The following ZSWIM5 variants were observed in gnomAD, a reference collection of about 807,000 sequenced individuals.
ZSWIM5 encodes the protein zinc finger SWIM domain-containing protein 5.
In ZSWIM5, 55 loss-of-function variants were observed where a neutral mutation model predicts 119.6. The ratio of observed to expected loss-of-function variants is 0.46; its 90% CI spans 0.37 to 0.58. ZSWIM5 has a LOEUF of 0.58. ZSWIM5 is among the 20% of genes least tolerant of loss of function. ZSWIM5 has a pLI of 0.00. For synonymous variants in ZSWIM5, 537 were observed against 606.9 expected (o/e 0.88, Z 1.69); for missense variants, 1,193 against 1,512.8 (o/e 0.79, Z 3.51).
rs762886625 is a variant in ZSWIM5 at position 45,205,753 on chromosome 1, T to C, written c.595+3A>G. The C allele has an allele frequency of 1.3e-6, 2 of 1,561,320 alleles. No individual in the cohort carries two copies. Among genetic ancestry groups the C allele is most frequent in the Non-Finnish European group, 1.7e-6 (2 of 1,158,182 alleles). ...ACCCGAGAACGCCTGGACGAGCACA[T>C]ACCGACTTGCAGCACGTTCTCCACG... is the stretch of plus-strand genomic sequence containing the variant. On this transcript the variant is annotated splice_donor_region_variant and intron_variant, in intron 1 of 13. Coordinates refer to ENST00000359600, the MANE Select transcript of ZSWIM5 (RefSeq NM_020883.2).
chr1:45,086,998 C>T (rs1473784577), intron 2 of ZSWIM5, among the ~76,000 whole-genome samples: 1 of 151,768 alleles, frequency 6.6e-6, no homozygotes, highest in Non-Finnish European at 1.5e-5. Context: ...ATTCTCCCGC[C>T]TCAGCCTCCA....
intron 2 of ZSWIM5, among the ~76,000 whole-genome samples, chr1:45,062,484 G>T (rs919126141): frequency 8.6e-5 from 13 of 152,036 alleles, no homozygotes; most frequent in African/African-American, 2.9e-4. Flanking sequence ...TTCTTCAAAT[G>T]TCTTATTCTA....
At chr1:45,042,260 C>T (rs1268262325) in intron 6 of ZSWIM5, among the ~76,000 whole-genome samples, 2 of 152,142 alleles carry the variant, frequency 1.3e-5, no homozygotes, top group Admixed American at 1.3e-4. Context: ...TACCTAGCTC[C>T]ATGTAACCTC....
intron 2 of ZSWIM5, among the ~76,000 whole-genome samples, chr1:45,079,379 A>G (rs1570068897): frequency 6.6e-6 from 1 of 152,256 alleles, no homozygotes; most frequent in East Asian, 1.9e-4. Context: ...GCCCCTTTCC[A>G]AAGGCAGAGG....
At chr1:45,079,695 C>G (rs1457100832) in intron 2 of ZSWIM5, among the ~76,000 whole-genome samples, 1 of 152,160 alleles carries the variant, frequency 6.6e-6, no homozygotes, top group African/African-American at 2.4e-5. Flanking sequence ...AGGCATCTTG[C>G]CCCATAGCCA....
chr1:45,191,755 G>C (rs557470693), intron 1 of ZSWIM5, among the ~76,000 whole-genome samples: 2 of 152,324 alleles, frequency 1.3e-5, no homozygotes, highest in East Asian at 3.9e-4. Flanking sequence ...ACGGCACTTA[G>C]GAATTTAGAG....
intron 1 of ZSWIM5, among the ~76,000 whole-genome samples, chr1:45,203,161 T>C (rs1412035106): frequency 6.6e-6 from 1 of 152,048 alleles, no homozygotes; most frequent in Non-Finnish European, 1.5e-5. Context: ...AATGTATCCT[T>C]TGAGCATAGC....
chr1:45,058,891 C>T (rs1035096315), intron 3 of ZSWIM5, 132 bp from the exon 4 acceptor site: 1 of 999,192 alleles, frequency 1.0e-6, no homozygotes, highest in African/African-American at 1.6e-5. Flanking sequence ...AGAAAGAAGG[C>T]CTCTTGTTCT....
chr1:45,193,504 G>A (rs759293565), intron 1 of ZSWIM5, among the ~76,000 whole-genome samples: 2 of 152,162 alleles, frequency 1.3e-5, no homozygotes, highest in Non-Finnish European at 2.9e-5. Context: ...CATTTCAAGA[G>A]AAATGTATAG....
intron 1 of ZSWIM5, among the ~76,000 whole-genome samples, chr1:45,199,290 T>C (rs1646144740): frequency 6.6e-6 from 1 of 151,584 alleles, no homozygotes; most frequent in South Asian, 2.1e-4. Flanking sequence ...TTTGCTTCAA[T>C]AGTCTTTTTT....
chr1:45,120,323 G>A (rs886083603), intron 1 of ZSWIM5, among the ~76,000 whole-genome samples: 3 of 152,116 alleles, frequency 2.0e-5, no homozygotes, highest in East Asian at 3.9e-4. Flanking sequence ...GTGACAGGGC[G>A]AAAAAACAAC....
At chr1:45,039,837 T>G (rs1460334646) in intron 7 of ZSWIM5, among the ~76,000 whole-genome samples, 1 of 152,094 alleles carries the variant, frequency 6.6e-6, no homozygotes, top group East Asian at 1.9e-4. Context: ...CCCAAGTAGC[T>G]GGGATTACAG....
intron 5 of ZSWIM5, among the ~76,000 whole-genome samples, chr1:45,046,562 A>C (rs927344872): frequency 6.6e-6 from 1 of 152,108 alleles, no homozygotes; most frequent in African/African-American, 2.4e-5. Context: ...GCCTGTTAAC[A>C]GATAAATGGA....
chr1:45,049,346 T>A (rs1251677498), intron 5 of ZSWIM5, among the ~76,000 whole-genome samples: 1 of 152,100 alleles, frequency 6.6e-6, no homozygotes, highest in Non-Finnish European at 1.5e-5. Context: ...GAAATGACTA[T>A]GAAGAATAGG....
chr1:45,091,176 CA>C (rs1173660791), intron 1 of ZSWIM5, among the ~76,000 whole-genome samples: 1 of 152,122 alleles, frequency 6.6e-6, no homozygotes, highest in African/African-American at 2.4e-5. Flanking sequence ...ACAACTTCCC[CA>C]ATGGCCAAGT....
intron 1 of ZSWIM5, among the ~76,000 whole-genome samples, chr1:45,158,731 T>C (rs1270364886): frequency 3.3e-5 from 5 of 152,220 alleles, no homozygotes; most frequent in Non-Finnish European, 4.4e-5. Context: ...ATGTGGCAGT[T>C]GCTGCCTTAA....
intron 1 of ZSWIM5, among the ~76,000 whole-genome samples, chr1:45,197,443 T>A (rs972290355): frequency 6.6e-6 from 1 of 152,246 alleles, no homozygotes; most frequent in Admixed American, 6.5e-5. Flanking sequence ...ATAATACTTT[T>A]GAGATTCATC....
intron 2 of ZSWIM5, among the ~76,000 whole-genome samples, chr1:45,085,613 A>C (rs1570078222): frequency 1.3e-5 from 2 of 151,462 alleles, no homozygotes; most frequent in African/African-American, 4.9e-5. Flanking sequence ...GCTGCACAGA[A>C]ATTTCTTCTG....
intron 11 of ZSWIM5, among the ~76,000 whole-genome samples, chr1:45,028,691 G>T (rs951400662): frequency 6.3e-4 from 96 of 152,064 alleles, no homozygotes; most frequent in Middle Eastern, 3.2e-3. Flanking sequence ...CGGGCACAGG[G>T]GTTGCAGTGA....
Sources: gnomAD v4.1 joint callset for allele counts (sites outside exome capture counted in the v4.1 genomes callset) on GRCh38, gnomAD v4.1.1 for gene constraint, MANE v1.5 for transcripts, NCBI Gene and HGNC (gene_info 2026-07-23, HGNC 2026-07-21) for gene names.